UBE4B: variants seen among roughly 807,000 people sequenced by gnomAD.
The protein encoded by UBE4B is ubiquitination factor E4B.
A neutral mutation model predicts 148.1 loss-of-function variants in UBE4B; 27 were observed. The observed-to-expected ratio is 0.18, with a 90% CI of 0.13 to 0.25. The LOEUF (loss-of-function observed/expected upper bound fraction) is 0.25, where lower values mean the gene tolerates loss of function less well. UBE4B is among the 10% of genes least tolerant of loss of function. The pLI is 1.00. For missense variants in UBE4B, 1,170 were observed against 1,662.4 expected (o/e 0.70, Z 5.15); for synonymous variants, 596 against 619.3 (o/e 0.96, Z 0.56).
intron 12 of UBE4B, 127 bp from the exon 13 acceptor site, chr1:10,130,372 TG>T: frequency 1.3e-6 from 1 of 740,930 alleles, no homozygotes; most frequent in Non-Finnish European, 2.2e-6. Flanking sequence ...TGAGCCACCA[TG>T]CCTGGCTGAA....
Position 10,161,383 on chromosome 1 carries a change from TATGC to T in UBE4B, c.3198+98_3198+101del, listed in dbSNP as rs1200785727. 7 of 1,391,342 alleles carry T rather than the reference TATGC, an allele frequency of 5.0e-6. No individual in the cohort carries two copies. The highest frequency in any genetic ancestry group is 5.8e-6 in the Non-Finnish European group (6 of 1,029,602). 86.2% of individuals were successfully genotyped at this position (1,391,342 alleles called of 1,614,324 possible). Reference sequence around the variant, plus strand: ...GGGGCTGCATTTGTGGGTCTGATGATATGCGATCTGACATGCTGGGATTTTCCTT... The same window carrying T: ...GGGGCTGCATTTGTGGGTCTGATGATGATCTGACATGCTGGGATTTTCCTT... On this transcript the variant is annotated intron_variant, in intron 23 of 27. Transcript: ENST00000343090. This position sits in a 1 kb window ranked among gnomAD's most constrained non-coding sequence, Gnocchi z 4.1.
chr1:10,106,247 C>T lies in UBE4B; in HGVS notation c.860C>T (p.Pro287Leu), dbSNP rs41280796. ...ACTCCCAGTTTCTGGAGCTCTGTTCCCGTGATGGGCCCGTCTCTTGCCTCA... is the reference window on the plus strand; with the variant it reads ...ACTCCCAGTTTCTGGAGCTCTGTTCTCGTGATGGGCCCGTCTCTTGCCTCA... The part of the protein sequence containing the change: ...APTPSFWSSV[P>L]VMGPSLASPS... Residue 287 changes from proline (P) to leucine (L), a missense_variant, in exon 7 of 28, where the codon CCC becomes CTC. By Grantham distance (98) the Pro-to-Leu change is moderately conservative. Around this residue, in one of 6 missense-constraint regions of UBE4B, gnomAD observed 214 missense variants for 209.1 expected, o/e 1.02. Transcript: ENST00000343090. This position sits in a 1 kb window ranked among gnomAD's most constrained non-coding sequence, Gnocchi z 4.2. The T allele has an allele frequency of 2.1e-5, 34 of 1,613,746 alleles. No homozygotes were observed. The highest frequency in any genetic ancestry group is 2.7e-5 in the Non-Finnish European group (32 of 1,179,718).
Position 10,084,699 on chromosome 1 carries a change from T to C in UBE4B, c.212-10762T>C, listed in dbSNP as rs148176574. Among the ~76,000 whole-genome samples, 904 of 151,688 alleles carry C rather than the reference T, an allele frequency of 6.0e-3. 23 individuals carry two copies. In the South Asian group the frequency reaches 0.064, roughly 11 times the overall value. ...CTTTTTTTCTTTCTTTCTTTTCTTT[T>C]TTTTCTTTTTTTTTTTGAGATGTCG... On this transcript the variant is annotated intron_variant, in intron 2 of 27. Transcript: ENST00000343090.
intron 1 of UBE4B, among the ~76,000 whole-genome samples, chr1:10,043,972 T>G (rs577875872): frequency 8.5e-5 from 13 of 152,184 alleles, no homozygotes; most frequent in Admixed American, 6.5e-4. Flanking sequence ...GGAGGTGGGG[T>G]GTCCATTTGC....
chr1:10,105,681 C>G lies in UBE4B; in HGVS notation c.746C>G (p.Ser249Cys), dbSNP rs775019058. 3.1e-6 allele frequency: 5 copies of G among 1,614,202 alleles called. No homozygotes were observed. The South Asian group carries it at 4.4e-5, about 14-fold the overall frequency. The change falls in exon 6 of 28, where the codon TCC becomes TGC. Residue 249 changes from serine to cysteine, a missense_variant. Ser to Cys is a moderately radical substitution (Grantham distance 112, BLOSUM62 -1). Around this residue, in one of 6 missense-constraint regions of UBE4B, gnomAD observed 214 missense variants for 209.1 expected, o/e 1.02. Transcript: ENST00000343090. ...PDRNLLLNTG[S>C]NPGTSPMFCS... ...AGAAATCTCTTGCTAAACACTGGCTCCAATCCAGGAACAAGCCCCATGTTC... is the reference window on the plus strand; with the variant it reads ...AGAAATCTCTTGCTAAACACTGGCTGCAATCCAGGAACAAGCCCCATGTTC...
Position 10,171,398 on chromosome 1 carries a change from G to A in UBE4B, c.3525+69G>A, listed in dbSNP as rs80094534. 6,064 of 1,553,532 alleles carry A rather than the reference G, an allele frequency of 3.9e-3. 192 individuals are homozygous for A. The African/African-American group carries it at 0.071, about 18-fold the overall frequency. On this transcript the variant is annotated intron_variant, in intron 25 of 27. Transcript: ENST00000343090. ...TTGGAGATAATAACCACAGTGGCCA[G>A]GGAACTCGTCTGGTGTAAATGAAGA...
intron 25 of UBE4B, 105 bp downstream of exon 25, chr1:10,171,434 GTTTTCCTTTGAGT>G: frequency 7.2e-7 from 1 of 1,385,130 alleles, no homozygotes; most frequent in Non-Finnish European, 9.9e-7. Flanking sequence ...TGAGTGGGTT[GTTTTCCTTTGAGT>G]GTGAAGAGCA....
At chr1:10,060,503 A>T (rs1001289267) in intron 1 of UBE4B, among the ~76,000 whole-genome samples, 117 of 152,308 alleles carry the variant, frequency 7.7e-4, no homozygotes, top group African/African-American at 2.8e-3. Context: ...GCAGCCCATG[A>T]CTGTATTTCC....
At chr1:10,114,983 G>A (rs1645283892) in intron 7 of UBE4B, among the ~76,000 whole-genome samples, 1 of 152,106 alleles carries the variant, frequency 6.6e-6, no homozygotes, top group Non-Finnish European at 1.5e-5. Context: ...TACTCAGTCG[G>A]CAGGGAGTTG....
rs978909110 is a variant in UBE4B, at chr1:10,161,650, A to G, written c.3198+364A>G. On this transcript the variant is annotated intron_variant, in intron 23 of 27. Coordinates refer to ENST00000343090, the MANE Select transcript of UBE4B (RefSeq NM_001105562.3). This position sits in a 1 kb window ranked among gnomAD's most constrained non-coding sequence, Gnocchi z 4.1. ...CTGGACAAGAATTTGATTTGTTCCT[A>G]TGGGCTTCTCTAGGCAACTGTGTGA... Among the ~76,000 whole-genome samples, 2 of 152,194 alleles carry G rather than the reference A, an allele frequency of 1.3e-5. No individual in the cohort carries two copies. Among genetic ancestry groups the G allele is most frequent in the Non-Finnish European group, 1.5e-5 (1 of 68,034 alleles).
intron 9 of UBE4B, among the ~76,000 whole-genome samples, chr1:10,119,820 A>G (rs1054460877): frequency 6.6e-6 from 1 of 152,246 alleles, no homozygotes; most frequent in African/African-American, 2.4e-5. Context: ...CATATTTTAA[A>G]AAGAAATTAG....
Position 10,130,726 on chromosome 1 carries a change from T to G in UBE4B, c.1824T>G (p.Val608=). Residue 608 remains valine (V), a synonymous_variant, in exon 14 of 28, where the codon GTT becomes GTG. Coordinates refer to ENST00000343090, the MANE Select transcript of UBE4B (RefSeq NM_001105562.3). Reference sequence around the variant, plus strand: ...CCTTCTCTTTCCAGGTTAAAGTGGTTGAAAAATACTTCTCAGGGCCTGCCA... The same window carrying G: ...CCTTCTCTTTCCAGGTTAAAGTGGTGGAAAAATACTTCTCAGGGCCTGCCA... ...SVFAEDDVKV[V]EKYFSGPAIT... is the part of the protein sequence containing the mutation. The G allele has an allele frequency of 6.2e-7, 1 of 1,614,160 alleles. No homozygotes were observed. Among genetic ancestry groups the G allele is most frequent in the East Asian group, 2.2e-5 (1 of 44,874 alleles).
intron 25 of UBE4B, among the ~76,000 whole-genome samples, chr1:10,177,451 C>G (rs1039565766): frequency 6.6e-6 from 1 of 152,162 alleles, no homozygotes; most frequent in African/African-American, 2.4e-5. Context: ...GAGCGTGCCT[C>G]TGCACTCCAG....
intron 2 of UBE4B, among the ~76,000 whole-genome samples, chr1:10,085,291 A>T (rs1644747435): frequency 1.3e-5 from 2 of 152,140 alleles, no homozygotes; most frequent in Non-Finnish European, 2.9e-5. Flanking sequence ...TCCTTCTCCT[A>T]GTGACAGGAA....
At chr1:10,160,101 A>G (rs946233158) in intron 22 of UBE4B, among the ~76,000 whole-genome samples, 4 of 152,106 alleles carry the variant, frequency 2.6e-5, no homozygotes, top group African/African-American at 7.2e-5. Context: ...TTTTTTCTCT[A>G]CGAATCTGGC....
At chr1:10,097,369 G>C (rs531315042) in intron 3 of UBE4B, among the ~76,000 whole-genome samples, 1 of 152,144 alleles carries the variant, frequency 6.6e-6, no homozygotes, top group African/African-American at 2.4e-5. Context: ...AAGACAACAG[G>C]GGTCCAGGAT....
At position 10,072,118 on chromosome 1, in the gene UBE4B, G is replaced by T. The variant is rs757074810; in HGVS notation, c.115G>T (p.Gly39Trp). 6.2e-7 allele frequency: 1 copy of T among 1,613,362 alleles called. No homozygotes were observed. Among genetic ancestry groups the T allele is most frequent in the South Asian group, 1.1e-5 (1 of 90,956 alleles). Residue 39 changes from glycine (G) to tryptophan (W), a missense_variant, in exon 2 of 28, where the codon GGG becomes TGG. Physicochemically the swap from Gly to Trp is radical, Grantham distance 184. Coordinates refer to ENST00000343090, the MANE Select transcript of UBE4B (RefSeq NM_001105562.3). ...LTSPQRENPP[G>W]PPIAASAPGP... is the part of the protein sequence containing the mutation. ...CTCTCCCCAGAGGGAGAACCCTCCGGGGCCTCCCATAGCGGCATCAGCCCC... is the reference window on the plus strand; with the variant it reads ...CTCTCCCCAGAGGGAGAACCCTCCGTGGCCTCCCATAGCGGCATCAGCCCC...
intron 1 of UBE4B, among the ~76,000 whole-genome samples, chr1:10,049,226 CTA>C (rs1643977401): frequency 1.3e-5 from 2 of 152,142 alleles, no homozygotes; most frequent in African/African-American, 2.4e-5. Flanking sequence ...TGAGGGCTGA[CTA>C]TGTGGAGATG....
intron 15 of UBE4B, 60 bp downstream of exon 15, chr1:10,132,542 T>C: frequency 6.9e-7 from 1 of 1,450,784 alleles, no homozygotes; most frequent in Non-Finnish European, 9.6e-7. Flanking sequence ...GACCCAGATT[T>C]AGTCAGCACC....
Sources: gnomAD v4.1 joint callset for allele counts (sites outside exome capture counted in the v4.1 genomes callset) on GRCh38, gnomAD v4.1.1 for gene constraint, gnomAD v4.1.1 regional missense constraint, Gnocchi (gnomAD v3.1) non-coding constraint, MANE v1.5 for transcripts, NCBI Gene and HGNC (gene_info 2026-07-23, HGNC 2026-07-21) for gene names.